Variants in LRRIQ1 observed in about 807,000 individuals in gnomAD.
LRRIQ1 encodes leucine rich repeats and IQ motif containing 1.
A neutral mutation model predicts 211.9 loss-of-function variants in LRRIQ1; 210 were observed. The ratio of observed to expected loss-of-function variants is 0.99; its 90% CI spans 0.89 to 1.11. The LOEUF is 1.11. LRRIQ1 is among the 50% of genes most tolerant of loss of function. The probability of loss-of-function intolerance (pLI) is 0.00; values close to 1 mark genes in which losing one functional copy is unlikely to be tolerated. For synonymous variants in LRRIQ1, 699 were observed against 650.1 expected (o/e 1.08, Z -1.14); for missense variants, 2,136 against 1,939.5 (o/e 1.10, Z -1.90).
rs538178911 is a variant in LRRIQ1 at position 85,067,109 on chromosome 12, A to C, written c.2695+211A>C. Among the ~76,000 whole-genome samples the C allele has an allele frequency of 3.9e-5, 6 of 152,040 alleles. No individual in the cohort carries two copies. In the East Asian group the frequency reaches 1.2e-3, roughly 29 times the overall value. On this transcript the variant is annotated intron_variant, in intron 10 of 26. Transcript: ENST00000393217. ...CACTGGCAACTCTGTAGTTCTTAGC[A>C]GTTAGTATATTTACTTCTCTGTTTC... is the stretch of plus-strand genomic sequence containing the variant.
intron 19 of LRRIQ1, among the ~76,000 whole-genome samples, chr12:85,144,076 C>G (rs187670004): frequency 3.4e-3 from 515 of 151,640 alleles, no homozygotes; most frequent in Middle Eastern, 0.014. Context: ...GTCCTCCGCC[C>G]TCAAGTAGGC....
At chr12:85,224,982 C>T (rs908237413) in intron 24 of LRRIQ1, among the ~76,000 whole-genome samples, 3 of 151,938 alleles carry the variant, frequency 2.0e-5, no homozygotes, top group African/African-American at 7.3e-5. Context: ...ACATATAATA[C>T]ATTTATTATA....
At chr12:85,146,655 A>T (rs2136627504) in intron 19 of LRRIQ1, among the ~76,000 whole-genome samples, 1 of 151,820 alleles carries the variant, frequency 6.6e-6, no homozygotes, top group Non-Finnish European at 1.5e-5. Context: ...CTCCCTCAAA[A>T]TTAGGGTGTT....
chr12:85,127,940 T>C lies in LRRIQ1; in HGVS notation c.4116T>C (p.Ser1372=), dbSNP rs755386304. The part of the protein sequence containing the change: ...HTAATEGLPN[S]SIKNQTILKK... ...CTGCAACAGAAGGCCTGCCAAATTC[T>C]TCCATCAAGAATCAGACTATTTTAA... is the stretch of plus-strand genomic sequence containing the variant. Residue 1372 remains serine, a synonymous_variant, in exon 18 of 27, where the codon TCT becomes TCC. Coordinates refer to ENST00000393217, the MANE Select transcript of LRRIQ1 (RefSeq NM_001079910.2). The C allele has an allele frequency of 1.9e-6, 3 of 1,613,760 alleles. No homozygotes were observed. The highest frequency in any genetic ancestry group is 2.5e-6 in the Non-Finnish European group (3 of 1,179,868).
chr12:85,062,090 A>G (rs983556964), intron 8 of LRRIQ1, among the ~76,000 whole-genome samples: 1 of 151,818 alleles, frequency 6.6e-6, no homozygotes, highest in Non-Finnish European at 1.5e-5. Flanking sequence ...GCATTCTAAA[A>G]TTTTGTACTT....
At chr12:85,206,065 G>C (rs997570653) in intron 24 of LRRIQ1, among the ~76,000 whole-genome samples, 2 of 152,212 alleles carry the variant, frequency 1.3e-5, no homozygotes, top group Non-Finnish European at 2.9e-5. Context: ...CAAAGCATTT[G>C]TCAGGCCATG....
chr12:85,153,143 C>G lies in LRRIQ1; in HGVS notation c.4539C>G (p.Ser1513Arg). Residue 1513 changes from serine (S) to arginine (R), a missense_variant and splice_region_variant, in exon 21 of 27, where the codon AGC (serine) becomes AGG (arginine). Transcript: ENST00000393217. ...CTTCAGAACACACACAATTTAATAG[C>G]AGGTAAGCTAAACTATTGTTTTAGA... is the stretch of plus-strand genomic sequence containing the variant. ...LSSSEHTQFN[S>R]RSENKTSSWT... is the part of the protein sequence containing the mutation. 14 of 1,581,930 alleles carry G rather than the reference C, an allele frequency of 8.8e-6. No homozygotes were observed. Among genetic ancestry groups the G allele is most frequent in the Non-Finnish European group, 1.2e-5 (14 of 1,165,014 alleles).
At chr12:85,122,671 A>G (rs1473111200) in intron 16 of LRRIQ1, among the ~76,000 whole-genome samples, 1 of 152,064 alleles carries the variant, frequency 6.6e-6, no homozygotes, top group Non-Finnish European at 1.5e-5. Context: ...TGCTTGTCCT[A>G]TGTAAAAGTT....
At chr12:85,201,601 GT>G (rs1893298772) in intron 24 of LRRIQ1, among the ~76,000 whole-genome samples, 1 of 152,004 alleles carries the variant, frequency 6.6e-6, no homozygotes, top group Non-Finnish European at 1.5e-5. Context: ...GTCTCTGAAG[GT>G]TTTTTGTATT....
At chr12:85,074,874 C>G (rs559446811) in intron 11 of LRRIQ1, among the ~76,000 whole-genome samples, 22 of 151,952 alleles carry the variant, frequency 1.4e-4, no homozygotes, top group African/African-American at 5.3e-4. Flanking sequence ...TAAGAATAGC[C>G]AAAGCAAATG....
chr12:85,037,265 A>C (rs892436219), intron 1 of LRRIQ1, among the ~76,000 whole-genome samples: 1 of 152,160 alleles, frequency 6.6e-6, no homozygotes, highest in African/African-American at 2.4e-5. Flanking sequence ...CTAATGAGCC[A>C]GTAGATGAAC....
intron 17 of LRRIQ1, among the ~76,000 whole-genome samples, chr12:85,127,020 G>A (rs1399370736): frequency 2.0e-5 from 3 of 152,086 alleles, no homozygotes; most frequent in Non-Finnish European, 2.9e-5. Context: ...GCCAATGTCA[G>A]GAATTTGAAA....
chr12:85,180,657 A>G (rs1388106066), intron 24 of LRRIQ1, among the ~76,000 whole-genome samples: 2 of 151,890 alleles, frequency 1.3e-5, no homozygotes, highest in Non-Finnish European at 2.9e-5. Flanking sequence ...TGCATAACTC[A>G]CAGAGTTGAG....
intron 8 of LRRIQ1, among the ~76,000 whole-genome samples, chr12:85,059,962 CTGAAG>C (rs1881595543): frequency 2.0e-5 from 3 of 152,060 alleles, no homozygotes; most frequent in African/African-American, 7.2e-5. Context: ...TGTAAAATTA[CTGAAG>C]TGTAGCTTAT....
chr12:85,181,538 A>C (rs1253243619), intron 24 of LRRIQ1, among the ~76,000 whole-genome samples: 1 of 152,022 alleles, frequency 6.6e-6, no homozygotes, highest in African/African-American at 2.4e-5. Flanking sequence ...ATCAATTACT[A>C]TTTGAACATT....
At chr12:85,126,762 A>G (rs1326650981) in intron 17 of LRRIQ1, among the ~76,000 whole-genome samples, 3 of 152,146 alleles carry the variant, frequency 2.0e-5, no homozygotes, top group Non-Finnish European at 2.9e-5. Context: ...AATACCGATA[A>G]TAAGCCAAAA....
At chr12:85,255,758 C>CT (rs1453516582) in intron 1 of LRRIQ1, among the ~76,000 whole-genome samples, 1 of 151,564 alleles carries the variant, frequency 6.6e-6, no homozygotes, top group African/African-American at 2.4e-5. Flanking sequence ...TGGCCAGGAA[C>CT]TTTAAGACAC....
chr12:85,078,080 A>G (rs984892581), intron 11 of LRRIQ1, among the ~76,000 whole-genome samples: 11 of 151,976 alleles, frequency 7.2e-5, no homozygotes, highest in African/African-American at 2.7e-4. Flanking sequence ...ATCCAAGTGC[A>G]TTTATGGAAT....
At chr12:85,234,984 G>A (rs1333261734) in intron 26 of LRRIQ1, among the ~76,000 whole-genome samples, 1 of 152,158 alleles carries the variant, frequency 6.6e-6, no homozygotes, top group African/African-American at 2.4e-5. Context: ...AGCAATGAAT[G>A]CCAAAAGACA....
Sources: allele counts gnomAD v4.1 joint callset (sites outside exome capture counted in the v4.1 genomes callset), GRCh38; gene constraint gnomAD v4.1.1; transcripts MANE v1.5; gene names NCBI Gene and HGNC (gene_info 2026-07-23, HGNC 2026-07-21).